The following ZNF710 variants were observed in gnomAD, a reference collection of about 807,000 sequenced individuals.
The protein encoded by ZNF710 is zinc finger protein 710.
In ZNF710, 13 loss-of-function variants were observed where a neutral mutation model predicts 50.6. The observed-to-expected ratio is 0.26, with a 90% CI of 0.17 to 0.41. ZNF710 has a LOEUF of 0.41. Ranked by LOEUF, ZNF710 falls within the 10% of genes least tolerant of loss-of-function variation. ZNF710 has a pLI of 1.00. For synonymous variants in ZNF710, 383 were observed against 397.0 expected (o/e 0.96, Z 0.42); for missense variants, 721 against 936.6 (o/e 0.77, Z 3.01).
chr15:90,042,567 A>G (rs1899330600), intron 1 of ZNF710, among the ~76,000 whole-genome samples: 2 of 152,132 alleles, frequency 1.3e-5, no homozygotes, highest in Non-Finnish European at 1.5e-5. Flanking sequence ...CTCATTATCT[A>G]GCGTTTGGAT....
chr15:90,067,667 C>T lies in ZNF710; in HGVS notation c.530C>T (p.Thr177Ile), dbSNP rs1321729844. The T allele has an allele frequency of 6.2e-7, 1 of 1,612,988 alleles. No homozygotes were observed. Among genetic ancestry groups the T allele is most frequent in the African/African-American group, 1.3e-5 (1 of 75,060 alleles). The change falls in exon 2 of 5, where the codon ACC becomes ATC. Residue 177 changes from threonine (T) to isoleucine (I), a missense_variant. Physicochemically the swap from Thr to Ile is moderately conservative, Grantham distance 89. This residue lies in a region of ZNF710 where 326 missense variants were observed against 347.1 expected (regional missense o/e 0.94). Transcript: ENST00000268154. The surrounding 1 kb of genome is among the most constrained non-coding windows in gnomAD (Gnocchi z 8.1). ...KPRTLRHLPR[T>I]PRPELNVAPY... ...CGGACGCTCCGGCATCTGCCCCGAA[C>T]CCCGAGGCCGGAGCTGAACGTGGCC...
chr15:90,011,225 C>T lies in ZNF710; in HGVS notation c.-29+9611C>T, dbSNP rs926306707. On this transcript the variant is annotated intron_variant, in intron 1 of 4. Transcript: ENST00000268154. ...GATTACAGGCGTGAGCCACTGCGCC[C>T]GGCCTAGCCTCCTGAGTAGTTGGGA... 8.5e-5 allele frequency among the ~76,000 whole-genome samples: 13 copies of T among 152,066 alleles called. No homozygotes were observed. The East Asian group carries it at 9.7e-4, about 11-fold the overall frequency.
At chr15:90,052,096 G>A (rs1899662854) in intron 1 of ZNF710, among the ~76,000 whole-genome samples, 1 of 152,088 alleles carries the variant, frequency 6.6e-6, no homozygotes, top group African/African-American at 2.4e-5. Flanking sequence ...GGGCCCAGGA[G>A]GTGCTGAGCC....
intron 1 of ZNF710, among the ~76,000 whole-genome samples, chr15:90,011,477 A>T (rs559092950): frequency 1.6e-4 from 24 of 152,278 alleles, no homozygotes; most frequent in African/African-American, 3.6e-4. Context: ...AAGACCTTAG[A>T]ATGCTTTATA....
Position 90,067,284 on chromosome 15 carries a change from C to T in ZNF710, c.147C>T (p.Pro49=), listed in dbSNP as rs372651694. ...AGGCCTTCTACCCGGACCTGGGGCC[C>T]GAGCTTTCAGGGGCAGCCATGGGAG... ...SAEAFYPDLG[P]ELSGAAMGEP... The change falls in exon 2 of 5, where the codon CCC becomes CCT. Residue 49 remains proline, a synonymous_variant. Transcript: ENST00000268154. This position sits in a 1 kb window ranked among gnomAD's most constrained non-coding sequence, Gnocchi z 8.1. 25 of 1,611,868 alleles carry T rather than the reference C, an allele frequency of 1.6e-5. 1 individual carries two copies. The East Asian group carries it at 2.9e-4, about 19-fold the overall frequency.
Position 90,044,921 on chromosome 15 carries a change from A to G in ZNF710, c.-28-22189A>G, listed in dbSNP as rs527903186. On this transcript the variant is annotated intron_variant, in intron 1 of 4. Transcript: ENST00000268154. ...CCCTGCCTACTCTTGAGGTGTGTTTATACCTGTGTAGGCCAAACCCCCGCA... is the reference window on the plus strand; with the variant it reads ...CCCTGCCTACTCTTGAGGTGTGTTTGTACCTGTGTAGGCCAAACCCCCGCA... Among the ~76,000 whole-genome samples, 4 of 152,198 alleles carry G rather than the reference A, an allele frequency of 2.6e-5. No individual in the cohort carries two copies. The South Asian group carries it at 8.3e-4, about 32-fold the overall frequency.
intron 1 of ZNF710, among the ~76,000 whole-genome samples, chr15:90,043,121 A>G (rs867252810): frequency 6.6e-6 from 1 of 152,224 alleles, no homozygotes; most frequent in Non-Finnish European, 1.5e-5. Context: ...CCCACCGGGG[A>G]CCGAGCACCT....
chr15:90,068,433 C>T lies in ZNF710; in HGVS notation c.1296C>T (p.Pro432=). The change falls in exon 2 of 5, where the codon CCC becomes CCT. Residue 432 remains proline, a synonymous_variant. Coordinates refer to ENST00000268154, the MANE Select transcript of ZNF710 (RefSeq NM_198526.4). This position sits in a 1 kb window ranked among gnomAD's most constrained non-coding sequence, Gnocchi z 5.0. The part of the protein sequence containing the change: ...LKRHLASHQG[P]TLYQCLECDK... ...GCCACCTGGCCTCCCACCAGGGCCC[C>T]ACCCTCTACCAGTGCCTCGAGTGTG... is the stretch of plus-strand genomic sequence containing the variant. 2 of 1,614,114 alleles carry T rather than the reference C, an allele frequency of 1.2e-6. No individual in the cohort carries two copies. Among genetic ancestry groups the T allele is most frequent in the Non-Finnish European group, 1.7e-6 (2 of 1,180,052 alleles).
chr15:90,020,411 C>T, intron 1 of ZNF710, among the ~76,000 whole-genome samples: 1 of 152,208 alleles, frequency 6.6e-6, no homozygotes, highest in Non-Finnish European at 1.5e-5. Context: ...CAGCTGAGGC[C>T]CAAGCCCAGC....
intron 1 of ZNF710, among the ~76,000 whole-genome samples, chr15:90,020,905 T>C (rs1308118986): frequency 6.6e-6 from 1 of 152,070 alleles, no homozygotes; most frequent in African/African-American, 2.4e-5. Context: ...GCTTCTTTAA[T>C]CAATTAAGAT....
intron 1 of ZNF710, among the ~76,000 whole-genome samples, chr15:90,017,114 A>T (rs1364687523): frequency 6.6e-6 from 1 of 152,150 alleles, no homozygotes; most frequent in East Asian, 1.9e-4. Context: ...ACTTTGTTTT[A>T]TGGCAGGGAA....
At chr15:90,076,236 G>A (rs756360420) in intron 4 of ZNF710, 1 of 152,232 alleles carries the variant, frequency 6.6e-6, no homozygotes, top group African/African-American at 2.4e-5. Context: ...GTTTGGACCT[G>A]AGGTTCAAAT....
At chr15:90,072,561 C>G (rs1021561846) in intron 2 of ZNF710, among the ~76,000 whole-genome samples, 1 of 152,024 alleles carries the variant, frequency 6.6e-6, no homozygotes, top group African/African-American at 2.4e-5. Context: ...GGGTCTGAAC[C>G]AAAAAGGCCA....
chr15:90,032,110 C>T (rs1898966676), intron 1 of ZNF710, among the ~76,000 whole-genome samples: 11 of 152,162 alleles, frequency 7.2e-5, no homozygotes, highest in Admixed American at 7.2e-4. Context: ...AATTCTCTTG[C>T]CCTCAGCCTC....
At position 90,012,167 on chromosome 15, in the gene ZNF710, T is replaced by C. The variant is rs936622809; in HGVS notation, c.-29+10553T>C. ...TTGCAGTGAGCTGAGATGGCGCTACTGCATTCCAGCCTGGCAACAGAGGGA... is the reference window on the plus strand; with the variant it reads ...TTGCAGTGAGCTGAGATGGCGCTACCGCATTCCAGCCTGGCAACAGAGGGA... On this transcript the variant is annotated intron_variant, in intron 1 of 4. Transcript: ENST00000268154. 1.8e-4 allele frequency among the ~76,000 whole-genome samples: 27 copies of C among 150,892 alleles called. 1 individual carries two copies. The highest frequency in any genetic ancestry group is 5.1e-4 in the African/African-American group (21 of 40,964).
chr15:90,018,140 C>A (rs1318524419), intron 1 of ZNF710, among the ~76,000 whole-genome samples: 1 of 151,664 alleles, frequency 6.6e-6, no homozygotes, highest in Non-Finnish European at 1.5e-5. Context: ...TCTTCCAAAT[C>A]CCTGTTTTGG....
intron 1 of ZNF710, among the ~76,000 whole-genome samples, chr15:90,047,072 C>T (rs576637428): frequency 8.5e-5 from 13 of 152,316 alleles, no homozygotes; most frequent in South Asian, 4.1e-4. Context: ...AAGATGCCCA[C>T]GCACAGCCAC....
At chr15:90,049,895 C>G (rs1422254460) in intron 1 of ZNF710, among the ~76,000 whole-genome samples, 3 of 152,226 alleles carry the variant, frequency 2.0e-5, no homozygotes, top group Non-Finnish European at 4.4e-5. Flanking sequence ...CCCTCCGCAG[C>G]TCAACTGCAG....
At chr15:90,043,499 C>T (rs548776015) in intron 1 of ZNF710, among the ~76,000 whole-genome samples, 1 of 152,382 alleles carries the variant, frequency 6.6e-6, no homozygotes, top group Admixed American at 6.5e-5. Flanking sequence ...GGGGGTGTAA[C>T]CTGTTTCGGG....
Sources: gnomAD v4.1 joint callset for allele counts (sites outside exome capture counted in the v4.1 genomes callset) on GRCh38, gnomAD v4.1.1 for gene constraint, gnomAD v4.1.1 regional missense constraint, Gnocchi (gnomAD v3.1) non-coding constraint, MANE v1.5 for transcripts, NCBI Gene and HGNC (gene_info 2026-07-23, HGNC 2026-07-21) for gene names.